Variants in DDHD1 observed in about 807,000 individuals in gnomAD.
DDHD1 encodes the protein phospholipase DDHD1.
In DDHD1, 49 loss-of-function variants were observed where a neutral mutation model predicts 96.4. That is an observed-to-expected ratio of 0.51 (90% CI 0.40 to 0.64). DDHD1 has a LOEUF of 0.64. DDHD1 is among the 30% of genes least tolerant of loss of function. DDHD1 has a pLI of 0.00. For missense variants in DDHD1, 1,106 were observed against 1,161.2 expected (o/e 0.95, Z 0.69); for synonymous variants, 442 against 446.5 (o/e 0.99, Z 0.13).
At chr14:53,085,550 G>A (rs1885873837) in intron 4 of DDHD1, among the ~76,000 whole-genome samples, 1 of 152,184 alleles carries the variant, frequency 6.6e-6, no homozygotes, top group East Asian at 1.9e-4. Context: ...ACCTGCAGCT[G>A]AGGGACCTGA....
At chr14:53,095,490 T>C (rs191243072) in intron 2 of DDHD1, among the ~76,000 whole-genome samples, 35 of 152,308 alleles carry the variant, frequency 2.3e-4, no homozygotes, top group Admixed American at 1.1e-3. Flanking sequence ...ATTGTACTTC[T>C]TAGTTATATT....
chr14:53,068,767 C>CTT (rs1396582468), intron 6 of DDHD1, among the ~76,000 whole-genome samples: 2 of 152,136 alleles, frequency 1.3e-5, no homozygotes, highest in Admixed American at 1.3e-4. Flanking sequence ...TATTGTCGCT[C>CTT]TTTCTTAAAC....
At chr14:53,047,968 C>A (rs768840894) in intron 12 of DDHD1, among the ~76,000 whole-genome samples, 1 of 152,002 alleles carries the variant, frequency 6.6e-6, no homozygotes, top group Non-Finnish European at 1.5e-5. Flanking sequence ...GAACATGCAC[C>A]AAAAGGATTT....
chr14:53,139,077 A>G (rs1185848545), intron 1 of DDHD1, among the ~76,000 whole-genome samples: 3 of 37,768 alleles, frequency 7.9e-5, no homozygotes, highest in East Asian at 2.7e-3. Context: ...ATAGGAGAGA[A>G]AAAAAAAAAA....
rs1463266880 is a variant in DDHD1 at position 53,037,735 on chromosome 14, G to A, written c.*9033C>T. 6.6e-6 allele frequency: 1 copy of A among 151,954 alleles called. No individual in the cohort carries two copies. Among genetic ancestry groups the A allele is most frequent in the African/African-American group, 2.4e-5 (1 of 41,364 alleles). The allele number at this position is 151,954 out of a possible 1,614,324, so 9.4% of individuals were successfully genotyped here. ...TTTGCTGTGCAGAGTGCTTTAATTAGGTCCCCACTTGCCAATTTCTGTTTT... is the reference window on the plus strand; with the variant it reads ...TTTGCTGTGCAGAGTGCTTTAATTAAGTCCCCACTTGCCAATTTCTGTTTT... On this transcript the variant is annotated 3_prime_UTR_variant, in exon 13 of 13. Coordinates refer to ENST00000673822, the MANE Select transcript of DDHD1 (RefSeq NM_001160148.2).
intron 3 of DDHD1, chr14:53,092,284 C>G (rs1268192334): frequency 6.3e-6 from 1 of 159,732 alleles, no homozygotes; most frequent in Non-Finnish European, 1.4e-5. Context: ...CTTAAGTATA[C>G]AGAGAGAGCT....
At chr14:53,114,095 T>C (rs1253231462) in intron 1 of DDHD1, among the ~76,000 whole-genome samples, 1 of 152,158 alleles carries the variant, frequency 6.6e-6, no homozygotes, top group East Asian at 1.9e-4. Context: ...AGTGCTAAGG[T>C]GCCTGGCAGG....
At chr14:53,132,033 C>G (rs138896133) in intron 1 of DDHD1, among the ~76,000 whole-genome samples, 84 of 152,224 alleles carry the variant, frequency 5.5e-4, no homozygotes, top group African/African-American at 2.0e-3. Flanking sequence ...CCTAGTTTTG[C>G]CATCCTGACA....
chr14:53,082,650 T>C (rs1180153830), intron 4 of DDHD1, among the ~76,000 whole-genome samples: 1 of 150,224 alleles, frequency 6.7e-6, no homozygotes, highest in African/African-American at 2.5e-5. Flanking sequence ...TTCCAGCTAC[T>C]AGGAAGGCTG....
rs202126842 is a variant in DDHD1 at position 53,139,092 on chromosome 14, C to A, written c.838+13169G>T. ...ATAGGAGAGAAAAAAAAAAAAAAAC[C>A]ACACCCACACCCACACCCACACCCA... On this transcript the variant is annotated intron_variant, in intron 1 of 12. Transcript: ENST00000673822. Among the ~76,000 whole-genome samples the A allele has an allele frequency of 6.5e-4, 11 of 16,974 alleles. No individual in the cohort carries two copies. The South Asian group carries it at 0.03, about 46-fold the overall frequency. 11.1% of individuals were successfully genotyped at this position (16,974 alleles called of 152,430 possible).
chr14:53,086,972 C>CAA (rs60569444), intron 4 of DDHD1, among the ~76,000 whole-genome samples: 32 of 52,186 alleles, frequency 6.1e-4, no homozygotes, highest in East Asian at 7.3e-4. Flanking sequence ...AAATGAAAAG[C>CAA]AAAAAAAAAA....
chr14:53,062,035 CAAAA>C (rs779302322), intron 7 of DDHD1, among the ~76,000 whole-genome samples: 2 of 76,794 alleles, frequency 2.6e-5, no homozygotes, highest in Non-Finnish European at 2.6e-5. Flanking sequence ...ACTCCGTCTC[CAAAA>C]AAAAAAAAAA....
At chr14:53,131,803 C>T (rs959595863) in intron 1 of DDHD1, among the ~76,000 whole-genome samples, 2 of 152,144 alleles carry the variant, frequency 1.3e-5, no homozygotes, top group African/African-American at 4.8e-5. Flanking sequence ...AGGACACCCT[C>T]CTGCTCCTCC....
chr14:53,051,932 G>GA lies in DDHD1; in HGVS notation c.2438-6dup, dbSNP rs373320739. The GA allele has an allele frequency of 1.5e-3, 2,319 of 1,516,442 alleles. 1 individual carries two copies. Among genetic ancestry groups the GA allele is most frequent in the African/African-American group, 2.2e-3 (156 of 71,706 alleles). 93.9% of individuals were successfully genotyped at this position (1,516,442 alleles called of 1,614,324 possible). A position where few individuals can be genotyped will look rare whatever the true frequency, so the allele number is the denominator to read the frequency against. On this transcript the variant is annotated splice_region_variant and splice_polypyrimidine_tract_variant and intron_variant, in intron 11 of 12. Transcript: ENST00000673822. Reference sequence around the variant, plus strand: ...ACGATTCTTGAAGTCTGAAATCTGTGAAAAAAAAACACAAGATGCTGTAAA... The same window carrying GA: ...ACGATTCTTGAAGTCTGAAATCTGTGAAAAAAAAAACACAAGATGCTGTAAA...
At chr14:53,139,430 G>A (rs1021694232) in intron 1 of DDHD1, among the ~76,000 whole-genome samples, 2 of 152,144 alleles carry the variant, frequency 1.3e-5, no homozygotes, top group Admixed American at 6.5e-5. Flanking sequence ...AATCCTTGGC[G>A]AACCAGCCCT....
At chr14:53,064,918 T>C (rs1883892425) in intron 6 of DDHD1, among the ~76,000 whole-genome samples, 1 of 152,158 alleles carries the variant, frequency 6.6e-6, no homozygotes, top group African/African-American at 2.4e-5. Flanking sequence ...TTTACTCTAA[T>C]TGGAATTTTT....
chr14:53,065,699 T>C (rs1380065530), intron 6 of DDHD1, among the ~76,000 whole-genome samples: 3 of 152,166 alleles, frequency 2.0e-5, no homozygotes, highest in Non-Finnish European at 4.4e-5. Flanking sequence ...ACCTCAGCAA[T>C]GATCTAATTT....
At chr14:53,061,001 T>C in intron 8 of DDHD1, 125 bp downstream of exon 8, 1 of 895,626 alleles carries the variant, frequency 1.1e-6, no homozygotes, top group African/African-American at 1.7e-5. Flanking sequence ...ACATATAGTA[T>C]ATGTTGAATA....
intron 12 of DDHD1, among the ~76,000 whole-genome samples, chr14:53,048,170 T>C (rs990355332): frequency 1.3e-5 from 2 of 152,206 alleles, no homozygotes; most frequent in East Asian, 3.8e-4. Context: ...ACAATGCTTA[T>C]ACAGTTGTTA....
Sources: allele counts gnomAD v4.1 joint callset (sites outside exome capture counted in the v4.1 genomes callset), GRCh38; gene constraint gnomAD v4.1.1; transcripts MANE v1.5; gene names NCBI Gene and HGNC (gene_info 2026-07-23, HGNC 2026-07-21).